The following SPDYE21 variants were observed in gnomAD, a reference collection of about 807,000 sequenced individuals.
SPDYE21 encodes the protein speedy protein E21.
SPDYE21 carries 14 observed loss-of-function variants against 36.2 expected under a neutral mutation model. That is an observed-to-expected ratio of 0.39 (90% CI 0.26 to 0.61). The LOEUF (loss-of-function observed/expected upper bound fraction) is 0.61. Ranked by LOEUF, SPDYE21 falls within the 20% of genes least tolerant of loss-of-function variation. The pLI, the probability that SPDYE21 is intolerant of heterozygous loss-of-function variation, is 0.55. For synonymous variants in SPDYE21, 58 were observed against 155.1 expected, an observed-to-expected ratio of 0.37 and a Z score of 4.65; for missense variants, 233 against 424.6, an observed-to-expected ratio of 0.55 and a Z score of 3.97.
At chr7:67,280,937 C>G (rs4718512) in intron 3 of SPDYE21, among the ~76,000 whole-genome samples, 657 of 130,946 alleles carry the variant, frequency 5.0e-3, no homozygotes, top group East Asian at 0.026. Flanking sequence ...CAAAAATGAG[C>G]TGGGCGTTCT....
Position 67,283,966 on chromosome 7 carries a change from G to A in SPDYE21, c.723G>A (p.Trp241Ter). Residue 241 changes from tryptophan (W) to a stop codon, truncating the protein, a stop_gained, in exon 6 of 9, where the codon TGG (tryptophan) becomes TGA (stop). Coordinates refer to ENST00000424157, the MANE Select transcript of SPDYE21 (RefSeq NM_001382715.2). LOFTEE classifies it high-confidence loss of function. ...TCAGCCGGGCCGGCCTCCCCTCCTG[G>A]CAATACCAACGCATTCATTTCTTCC... is the stretch of plus-strand genomic sequence containing the variant. ...VYFSRAGLPSWQYQRIHFFLA... is the reference protein window; with the variant it reads ...VYFSRAGLPS 6.2e-7 allele frequency: 1 copy of A among 1,601,062 alleles called. No individual in the cohort carries two copies. The highest frequency in any genetic ancestry group is 8.5e-7 in the Non-Finnish European group (1 of 1,170,280).
intron 4 of SPDYE21, among the ~76,000 whole-genome samples, 157 bp from the exon 5 acceptor site, chr7:67,282,478 C>T (rs1475027453): frequency 1.3e-5 from 2 of 151,284 alleles, no homozygotes; most frequent in African/African-American, 4.9e-5. Context: ...GAGCCTCTCT[C>T]CCTTGCCCAG....
rs1802726587 is a variant in SPDYE21, at chr7:67,286,108, T to C, written c.820T>C (p.Tyr274His). Residue 274 changes from tyrosine to histidine, a missense_variant, in exon 7 of 9, where the codon TAT becomes CAT. Physicochemically the swap from Tyr to His is moderately conservative, Grantham distance 83. Around this residue, in one of 4 missense-constraint regions of SPDYE21, gnomAD observed 139 missense variants for 175.8 expected, o/e 0.79. Transcript: ENST00000424157. ...DSKQNIFHFL[Y>H]GKTRSRIPLL... is the part of the protein sequence containing the mutation. ...CAAACAAAACATCTTCCACTTCCTG[T>C]ATGGGAAGACCCGCTCTCGCATACC... is the stretch of plus-strand genomic sequence containing the variant. 6 of 1,613,924 alleles carry C rather than the reference T, an allele frequency of 3.7e-6. No individual in the cohort carries two copies. The African/African-American group carries it at 5.3e-5, about 14-fold the overall frequency.
At position 67,278,868 on chromosome 7, in the gene SPDYE21, C is replaced by T. The variant is rs1802583898; in HGVS notation, c.155C>T (p.Pro52Leu). Among the ~76,000 whole-genome samples, 1 of 150,910 alleles carries T rather than the reference C, an allele frequency of 6.6e-6. No individual in the cohort carries two copies. The highest frequency in any genetic ancestry group is 1.5e-5 in the Non-Finnish European group (1 of 67,484). Residue 52 changes from proline (P) to leucine (L), a missense_variant, in exon 2 of 9, where the codon CCA (proline) becomes CTA (leucine). Transcript: ENST00000424157. ...GTGGTGGATGATGAAGTGTTGGGAC[C>T]ATCAGGTGAGGGGACTGGTGGAAGA... is the stretch of plus-strand genomic sequence containing the variant. ...QEVVDDEVLGPSAPGVDPSPP... is the reference protein window; with the variant it reads ...QEVVDDEVLGLSAPGVDPSPP...
At chr7:67,285,690 T>G (rs914747498) in intron 6 of SPDYE21, among the ~76,000 whole-genome samples, 3 of 152,210 alleles carry the variant, frequency 2.0e-5, no homozygotes, top group Non-Finnish European at 2.9e-5. Flanking sequence ...GCGTCTGGCA[T>G]ATTTCTTATA....
intron 5 of SPDYE21, among the ~76,000 whole-genome samples, chr7:67,283,386 C>T (rs1173501815): frequency 6.6e-6 from 1 of 152,234 alleles, no homozygotes; most frequent in Non-Finnish European, 1.5e-5. Context: ...CCTGACTCCA[C>T]CTCTCAAAAA....
At position 67,286,373 on chromosome 7, in the gene SPDYE21, T is replaced by G. The variant is rs904232245; in HGVS notation, c.1085T>G (p.Leu362Arg). 4 of 1,613,698 alleles carry G rather than the reference T, an allele frequency of 2.5e-6. No individual in the cohort carries two copies. Among genetic ancestry groups the G allele is most frequent in the African/African-American group, 2.7e-5 (2 of 74,912 alleles). The stretch of plus-strand genomic sequence containing the variant: ...TCTCAGATAGTCCTGTTCCAGAAAC[T>G]TCGGTTCCAGTTCTTCTGTTCCATG... Reference protein sequence around the residue: ...NRSQIVLFQKLRFQFFCSMSG... With the variant: ...NRSQIVLFQKRRFQFFCSMSG... Residue 362 changes from leucine (L) to arginine (R), a missense_variant, in exon 7 of 9, where the codon CTT becomes CGT. Transcript: ENST00000424157.
intron 5 of SPDYE21, among the ~76,000 whole-genome samples, chr7:67,283,055 C>T (rs1469252386): frequency 6.7e-6 from 1 of 149,094 alleles, no homozygotes; most frequent in Admixed American, 6.8e-5. Context: ...ATCCACCCGC[C>T]TTGGCCTCCC....
rs1226905243 is a variant in SPDYE21 at position 67,286,329 on chromosome 7, G to A, written c.1041G>A (p.Pro347=). The part of the protein sequence containing the change: ...RRFQLRRCMN[P]RARKNRSQIV... ...TCCAGTTACGCCGTTGCATGAACCC[G>A]AGGGCCAGGAAGAACCGCTCTCAGA... is the stretch of plus-strand genomic sequence containing the variant. Residue 347 remains proline, a synonymous_variant, in exon 7 of 9, where the codon CCG becomes CCA. Transcript: ENST00000424157. The A allele has an allele frequency of 6.2e-6, 10 of 1,613,704 alleles. No homozygotes were observed. The highest frequency in any genetic ancestry group is 3.4e-4 in the Middle Eastern group (2 of 5,854).
chr7:67,279,842 C>T lies in SPDYE21; in HGVS notation c.185C>T (p.Pro62Leu). Residue 62 changes from proline (P) to leucine (L), a missense_variant, in exon 3 of 9, where the codon CCA (proline) becomes CTA (leucine). Physicochemically the swap from Pro to Leu is moderately conservative, Grantham distance 98. This residue lies in a region of SPDYE21 where 68 missense variants were observed against 87.6 expected (regional missense o/e 0.78). Transcript: ENST00000424157. ...GCCCCTGGGGTAGATCCCAGCCCCC[C>T]ATGTAGGTCCCTTGGCTGGAAAAGG... ...PSAPGVDPSPPCRSLGWKRKK... is the reference protein window; with the variant it reads ...PSAPGVDPSPLCRSLGWKRKK... The T allele has an allele frequency of 1.3e-6, 2 of 1,593,626 alleles. No individual in the cohort carries two copies. Among genetic ancestry groups the T allele is most frequent in the Non-Finnish European group, 1.7e-6 (2 of 1,178,614 alleles).
chr7:67,282,587 G>T, intron 4 of SPDYE21, 48 bp from the exon 5 acceptor site: 1 of 1,595,368 alleles, frequency 6.3e-7, no homozygotes, highest in Non-Finnish European at 8.5e-7. Flanking sequence ...CTGCTCCCAC[G>T]GAAACCCTGT....
intron 8 of SPDYE21, among the ~76,000 whole-genome samples, 102 bp downstream of exon 8, chr7:67,286,766 T>C (rs3980877): frequency 0.17 from 25,212 of 150,678 alleles, 2,215 homozygotes; most frequent in Middle Eastern, 0.23. Flanking sequence ...GGCAACGTGG[T>C]GAGATCCCCT....
chr7:67,286,300 C>G lies in SPDYE21; in HGVS notation c.1012C>G (p.Arg338Gly), dbSNP rs557342449. Residue 338 changes from arginine to glycine, a missense_variant, in exon 7 of 9, where the codon CGG (arginine) becomes GGG (glycine). By Grantham distance (125) the Arg-to-Gly change is moderately radical. Coordinates refer to ENST00000424157, the MANE Select transcript of SPDYE21 (RefSeq NM_001382715.2). ...TCGCATACCCTTGGTCCGTAAGCGT[C>G]GGTTCCAGTTACGCCGTTGCATGAA... ...RSRIPLVRKRRFQLRRCMNPR... is the reference protein window; with the variant it reads ...RSRIPLVRKRGFQLRRCMNPR... 53 of 1,600,514 alleles carry G rather than the reference C, an allele frequency of 3.3e-5. No homozygotes were observed. The African/African-American group carries it at 6.3e-4, about 19-fold the overall frequency.
Position 67,288,959 on chromosome 7 carries a change from G to A in SPDYE21, c.*1487G>A, listed in dbSNP as rs1025733805. 2.1e-5 allele frequency among the ~76,000 whole-genome samples: 3 copies of A among 144,300 alleles called. No homozygotes were observed. The highest frequency in any genetic ancestry group is 7.0e-5 in the Admixed American group (1 of 14,276). 94.7% of individuals were successfully genotyped at this position (144,300 alleles called of 152,430 possible). A position where few individuals can be genotyped will look rare whatever the true frequency, so the allele number is the denominator to read the frequency against. ...GAGAACAATAGAGTGCGTCTCTTGG[G>A]GAAACATAATAAAAATGAACTTTTC... On this transcript the variant is annotated 3_prime_UTR_variant, in exon 9 of 9. Transcript: ENST00000424157.
In SPDYE21 at chr7:67,286,147, C is replaced by T. The variant is rs138188562; in HGVS notation, c.859C>T (p.Arg287Cys). 3.4e-3 allele frequency: 5,422 copies of T among 1,612,696 alleles called. 140 individuals carry two copies. In the African/African-American group the frequency reaches 0.065, roughly 19 times the overall value. ...TRSRIPLLRK[R>C]WFQLGRSMNP... ...CTCTCGCATACCCTTGCTCCGTAAG[C>T]GTTGGTTCCAGTTAGGCCGTTCCAT... Residue 287 changes from arginine to cysteine, a missense_variant, in exon 7 of 9, where the codon CGT becomes TGT. Arg to Cys is a radical substitution (Grantham distance 180). This residue lies in a region of SPDYE21 where 139 missense variants were observed against 175.8 expected (regional missense o/e 0.79). Transcript: ENST00000424157.
intron 6 of SPDYE21, among the ~76,000 whole-genome samples, chr7:67,284,309 C>T (rs1802690667): frequency 6.6e-6 from 1 of 151,540 alleles, no homozygotes; most frequent in Non-Finnish European, 1.5e-5. Context: ...ATTAGCTGGG[C>T]GTGGTGGTGT....
intron 8 of SPDYE21, among the ~76,000 whole-genome samples, 62 bp downstream of exon 8, chr7:67,286,726 AC>A (rs1410046206): frequency 6.6e-6 from 1 of 151,938 alleles, no homozygotes; most frequent in African/African-American, 2.4e-5. Flanking sequence ...AATCCGAAGA[AC>A]CCAATTGCTT....
chr7:67,283,024 C>T (rs1802668984), intron 5 of SPDYE21, among the ~76,000 whole-genome samples: 1 of 143,652 alleles, frequency 7.0e-6, no homozygotes, highest in African/African-American at 2.6e-5. Context: ...CAGGTTGGTC[C>T]TGAACACCTG....
chr7:67,286,260 C>A lies in SPDYE21; in HGVS notation c.972C>A (p.Ala324=). 1.9e-6 allele frequency: 3 copies of A among 1,588,542 alleles called. No individual in the cohort carries two copies. In the South Asian group the frequency reaches 3.4e-5, roughly 18 times the overall value. ...TAGGCCGTTCCATGAACCCGAGGGC[C>A]AGGAAGTACCGCTCTCGCATACCCT... is the stretch of plus-strand genomic sequence containing the variant. ...FQLGRSMNPR[A]RKYRSRIPLV... Residue 324 remains alanine, a synonymous_variant, in exon 7 of 9, where the codon GCC becomes GCA. Transcript: ENST00000424157.
Sources: gnomAD v4.1 joint callset for allele counts (sites outside exome capture counted in the v4.1 genomes callset) on GRCh38, gnomAD v4.1.1 for gene constraint, gnomAD v4.1.1 regional missense constraint, MANE v1.5 for transcripts, NCBI Gene and HGNC (gene_info 2026-07-23, HGNC 2026-07-21) for gene names.